ATE1: variants seen among roughly 807,000 people sequenced by gnomAD.
ATE1 encodes arginyltransferase 1.
In ATE1, 36 loss-of-function variants were observed where a neutral mutation model predicts 70.5. The observed-to-expected ratio is 0.51, with a 90% CI of 0.39 to 0.67. The LOEUF (loss-of-function observed/expected upper bound fraction) is 0.67. Ranked by LOEUF, ATE1 falls within the 30% of genes least tolerant of loss-of-function variation. The pLI is 0.00. For missense variants in ATE1, 593 were observed against 629.5 expected, an observed-to-expected ratio of 0.94 and a Z score of 0.62; for synonymous variants, 232 against 219.3, an observed-to-expected ratio of 1.06 and a Z score of -0.51.
intron 10 of ATE1, among the ~76,000 whole-genome samples, chr10:121,810,712 GT>G (rs1335652803): frequency 6.7e-6 from 1 of 150,218 alleles, no homozygotes; most frequent in Non-Finnish European, 1.5e-5. Flanking sequence ...ATTTTTTTTT[GT>G]TTTTGTTGAG....
chr10:121,896,265 C>T (rs1375837457), intron 7 of ATE1, among the ~76,000 whole-genome samples: 2 of 152,026 alleles, frequency 1.3e-5, no homozygotes, highest in East Asian at 1.9e-4. Flanking sequence ...TTAGGAGGCA[C>T]GTATCTGATC....
At chr10:121,887,531 C>A (rs1021456075) in intron 7 of ATE1, among the ~76,000 whole-genome samples, 1 of 54,752 alleles carries the variant, frequency 1.8e-5, no homozygotes, top group Admixed American at 1.7e-4. Context: ...CAGCAAGACG[C>A]CCCCCTACAA....
intron 8 of ATE1, among the ~76,000 whole-genome samples, chr10:121,866,930 A>G (rs1387116721): frequency 1.3e-5 from 2 of 151,986 alleles, no homozygotes; most frequent in Non-Finnish European, 2.9e-5. Context: ...AGACCTATCT[A>G]TAACTGAGAG....
rs113288309 is a variant in ATE1 at position 121,869,863 on chromosome 10, C to G, written c.975+143G>C. On this transcript the variant is annotated intron_variant, in intron 8 of 11. Coordinates refer to ENST00000224652, the MANE Select transcript of ATE1 (RefSeq NM_001001976.3). Reference sequence around the variant, plus strand: ...TATCCAAAAAAAAAGCCTGCAGTAACTCACTCCATTACTGTTATTGAAGAA... The same window carrying G: ...TATCCAAAAAAAAAGCCTGCAGTAAGTCACTCCATTACTGTTATTGAAGAA... 618 of 616,766 alleles carry G rather than the reference C, an allele frequency of 1.0e-3. 5 individuals carry two copies. The African/African-American group carries it at 0.01, about 10-fold the overall frequency. 38.2% of individuals were successfully genotyped at this position (616,766 alleles called of 1,614,324 possible). A position where few individuals can be genotyped will look rare whatever the true frequency, so the allele number is the denominator to read the frequency against.
intron 8 of ATE1, among the ~76,000 whole-genome samples, chr10:121,842,106 T>A (rs979732115): frequency 3.3e-5 from 5 of 152,154 alleles, no homozygotes; most frequent in South Asian, 2.1e-4. Context: ...AGAGTTCTTG[T>A]GTAAGTACAA....
intron 7 of ATE1, among the ~76,000 whole-genome samples, chr10:121,883,333 A>G (rs1182777039): frequency 6.6e-6 from 1 of 152,204 alleles, no homozygotes; most frequent in Non-Finnish European, 1.5e-5. Flanking sequence ...CACTGATTAA[A>G]CAGTTACCAA....
chr10:121,815,897 C>G (rs1947522294), intron 10 of ATE1, among the ~76,000 whole-genome samples: 1 of 152,174 alleles, frequency 6.6e-6, no homozygotes, highest in South Asian at 2.1e-4. Flanking sequence ...TGGCAGCATC[C>G]TGACCTCTTC....
intron 8 of ATE1, 74 bp downstream of exon 8, chr10:121,869,932 A>C: frequency 7.2e-7 from 1 of 1,382,170 alleles, no homozygotes; most frequent in African/African-American, 1.4e-5. Context: ...TTATCAAATA[A>C]ATGCCTAATG....
Position 121,775,418 on chromosome 10 carries a change from C to T in ATE1, c.1378+14751G>A, listed in dbSNP as rs908932900. Reference sequence around the variant, plus strand: ...CGATAGGTGCAGCAAACCACGGTGGCACATGTATAACTATGTAACCAATGT... The same window carrying T: ...CGATAGGTGCAGCAAACCACGGTGGTACATGTATAACTATGTAACCAATGT... On this transcript the variant is annotated intron_variant, in intron 11 of 11. Coordinates refer to ENST00000224652, the MANE Select transcript of ATE1 (RefSeq NM_001001976.3). 5.3e-5 allele frequency among the ~76,000 whole-genome samples: 8 copies of T among 151,912 alleles called. No individual in the cohort carries two copies. The South Asian group carries it at 1.3e-3, about 24-fold the overall frequency.
intron 8 of ATE1, among the ~76,000 whole-genome samples, chr10:121,846,192 G>A (rs1948814248): frequency 6.7e-6 from 1 of 149,880 alleles, no homozygotes; most frequent in Admixed American, 6.6e-5. Context: ...GAGCACAGAA[G>A]TCTATTGAAA....
At chr10:121,755,572 G>T (rs1295416351) in intron 11 of ATE1, among the ~76,000 whole-genome samples, 2 of 152,180 alleles carry the variant, frequency 1.3e-5, no homozygotes, top group African/African-American at 4.8e-5. Flanking sequence ...ACCAAAGACT[G>T]GGCAATTTAC....
chr10:121,900,026 A>C, intron 6 of ATE1, 32 bp from the exon 7 acceptor site: 1 of 1,609,182 alleles, frequency 6.2e-7, no homozygotes, highest in Non-Finnish European at 8.5e-7. Flanking sequence ...CAAGTTTACT[A>C]ATTCATTCAT....
At chr10:121,760,242 C>A (rs1301822707) in intron 11 of ATE1, among the ~76,000 whole-genome samples, 1 of 152,222 alleles carries the variant, frequency 6.6e-6, no homozygotes, top group Non-Finnish European at 1.5e-5. Flanking sequence ...GAATATTTTC[C>A]ATTTTCAAGT....
chr10:121,801,440 A>ATTTT, intron 10 of ATE1, among the ~76,000 whole-genome samples: 1 of 152,216 alleles, frequency 6.6e-6, no homozygotes, highest in East Asian at 1.9e-4. Context: ...TTGTGAAGCA[A>ATTTT]AGATTCAAGG....
intron 7 of ATE1, among the ~76,000 whole-genome samples, chr10:121,886,462 G>C (rs997490681): frequency 6.6e-6 from 1 of 151,980 alleles, no homozygotes; most frequent in Non-Finnish European, 1.5e-5. Context: ...TGTGAGTGTG[G>C]GTGTGTGCGT....
rs1951021027 is a variant in ATE1, at chr10:121,902,511, A to G, written c.693T>C (p.Gly231=). ...ATGGTGGGTGACCTTGAGCCTGGAA[A>G]CCCTCAAGTTCTCCAGCTGGGTTCT... ...MQQNPAGELE[G]FQAQGHPPSL... Residue 231 remains glycine, a synonymous_variant, in exon 6 of 12, where the codon GGT becomes GGC. Transcript: ENST00000224652. The G allele has an allele frequency of 8.7e-6, 14 of 1,613,906 alleles. No homozygotes were observed. Among genetic ancestry groups the G allele is most frequent in the Non-Finnish European group, 1.2e-5 (14 of 1,180,026 alleles).
At chr10:121,831,540 CCTTT>C (rs1248434471) in intron 10 of ATE1, among the ~76,000 whole-genome samples, 2 of 152,128 alleles carry the variant, frequency 1.3e-5, no homozygotes, top group African/African-American at 4.8e-5. Context: ...TTCCTCCTGT[CCTTT>C]CTTTTGACTT....
chr10:121,847,406 C>A (rs1490468559), intron 8 of ATE1, among the ~76,000 whole-genome samples: 1 of 151,578 alleles, frequency 6.6e-6, no homozygotes, highest in Non-Finnish European at 1.5e-5. Flanking sequence ...TGAGATCGCG[C>A]CACTGCACTC....
chr10:121,851,090 C>CAAAAAAAAA lies in ATE1; in HGVS notation c.976-9836_976-9828dup. ...TGGGCCACAAAGCGAGACTCCATCT[C>CAAAAAAAAA]AAAAAAAAAAAAAAAAAAAAAAAAA... On this transcript the variant is annotated intron_variant, in intron 8 of 11. Transcript: ENST00000224652. 9.0e-4 allele frequency among the ~76,000 whole-genome samples: 39 copies of CAAAAAAAAA among 43,222 alleles called. 2 individuals carry two copies. Among genetic ancestry groups the CAAAAAAAAA allele is most frequent in the East Asian group, 2.2e-3 (2 of 906 alleles). The allele number at this position is 43,222 out of a possible 152,430, so 28.4% of individuals were successfully genotyped here. A position where few individuals can be genotyped will look rare whatever the true frequency, so the allele number is the denominator to read the frequency against.
Sources: allele counts gnomAD v4.1 joint callset (sites outside exome capture counted in the v4.1 genomes callset), GRCh38; gene constraint gnomAD v4.1.1; transcripts MANE v1.5; gene names NCBI Gene and HGNC (gene_info 2026-07-23, HGNC 2026-07-21).